PLCG2: variants seen among roughly 807,000 people sequenced by gnomAD.
PLCG2 encodes phospholipase C gamma 2.
In PLCG2, 69 loss-of-function variants were observed where a neutral mutation model predicts 175.6. That is an observed-to-expected ratio of 0.39 (90% CI 0.32 to 0.48). The LOEUF is 0.48. Among genes scored for constraint, PLCG2 ranks in the 20% least tolerant of loss-of-function variants. The pLI, the probability that PLCG2 is intolerant of heterozygous loss-of-function variation, is 0.91. For synonymous variants in PLCG2, 827 were observed against 624.0 expected (o/e 1.33, Z -4.85); for missense variants, 1,798 against 1,650.9 (o/e 1.09, Z -1.54).
intron 2 of PLCG2, among the ~76,000 whole-genome samples, chr16:81,796,229 C>G (rs989951851): frequency 3.9e-5 from 6 of 152,238 alleles, no homozygotes; most frequent in African/African-American, 1.4e-4. Flanking sequence ...TTGGGTTTCT[C>G]TCACAGATGT....
chr16:81,794,497 A>C (rs1294204459), intron 2 of PLCG2, among the ~76,000 whole-genome samples: 1 of 152,160 alleles, frequency 6.6e-6, no homozygotes, highest in Non-Finnish European at 1.5e-5. Flanking sequence ...TTTGCCTTTC[A>C]GTTACTGGTA....
At chr16:81,946,508 C>T (rs571007367) in intron 31 of PLCG2, among the ~76,000 whole-genome samples, 1 of 152,144 alleles carries the variant, frequency 6.6e-6, no homozygotes, top group Admixed American at 6.5e-5. Context: ...GAAAGGGTGC[C>T]GGTACTTGTA....
At chr16:81,918,933 T>C (rs1209478853) in intron 19 of PLCG2, among the ~76,000 whole-genome samples, 2 of 152,162 alleles carry the variant, frequency 1.3e-5, no homozygotes, top group Admixed American at 1.3e-4. Context: ...GTTTTGCTAG[T>C]TGAGTCACCG....
At chr16:81,775,742 T>G (rs1397291382), upstream of PLCG2, among the ~76,000 whole-genome samples, 2 of 152,204 alleles carry the variant, frequency 1.3e-5, no homozygotes, top group African/African-American at 4.8e-5. Flanking sequence ...GTAATTTTCT[T>G]TCAGGTTATT....
upstream of PLCG2, among the ~76,000 whole-genome samples, chr16:81,778,083 A>C (rs563501459): frequency 7.2e-4 from 108 of 150,714 alleles, 11 homozygotes; most frequent in Middle Eastern, 3.4e-3. Flanking sequence ...CACACACACA[A>C]AAAAAACGCT....
At chr16:81,867,557 C>G (rs1385652933) in intron 5 of PLCG2, among the ~76,000 whole-genome samples, 4 of 152,196 alleles carry the variant, frequency 2.6e-5, no homozygotes, top group Non-Finnish European at 5.9e-5. Context: ...AAACATCAAA[C>G]AGGTGAATGT....
chr16:81,920,612 C>G (rs752793267), intron 20 of PLCG2, among the ~76,000 whole-genome samples: 3 of 151,980 alleles, frequency 2.0e-5, no homozygotes, highest in Non-Finnish European at 4.4e-5. Context: ...GAAGGGGTGA[C>G]TCTAGGTACA....
At chr16:81,908,325 C>T in intron 16 of PLCG2, 91 bp from the exon 17 acceptor site, 1 of 1,222,910 alleles carries the variant, frequency 8.2e-7, no homozygotes, top group Non-Finnish European at 1.2e-6. Context: ...TTATCTGGTA[C>T]CCTGGGTCAG....
At chr16:81,877,202 C>G (rs1406189129) in intron 7 of PLCG2, among the ~76,000 whole-genome samples, 1 of 152,164 alleles carries the variant, frequency 6.6e-6, no homozygotes, top group Admixed American at 6.5e-5. Context: ...CGCCTGTAAT[C>G]CCAGCACTTT....
chr16:81,880,878 G>C (rs1365502255), intron 7 of PLCG2, 32 bp from the exon 8 acceptor site: 1 of 1,611,060 alleles, frequency 6.2e-7, no homozygotes, highest in Non-Finnish European at 8.5e-7. Context: ...CTTGTCTAAG[G>C]TTCTTTTTTT....
In PLCG2 at chr16:81,813,882, G is replaced by A. The variant is rs151332255; in HGVS notation, c.193+27700G>A. Among the ~76,000 whole-genome samples the A allele has an allele frequency of 3.2e-3, 488 of 152,326 alleles. 2 individuals are homozygous for A. Among genetic ancestry groups the A allele is most frequent in the African/African-American group, 0.011 (467 of 41,566 alleles). On this transcript the variant is annotated intron_variant, in intron 2 of 32. Transcript: ENST00000564138. The stretch of plus-strand genomic sequence containing the variant: ...AGCAGAAGCCTGAAGCTTTTGCTGT[G>A]TTAAAAGGAAGTCACAAGGCCAGCC...
At chr16:81,862,390 A>G (rs568860753) in intron 5 of PLCG2, among the ~76,000 whole-genome samples, 108 of 152,246 alleles carry the variant, frequency 7.1e-4, no homozygotes, top group African/African-American at 2.5e-3. Context: ...TTACATCCTT[A>G]GGATATGCTC....
chr16:81,897,293 A>G (rs1203624752), intron 13 of PLCG2, among the ~76,000 whole-genome samples: 2 of 152,192 alleles, frequency 1.3e-5, no homozygotes, highest in African/African-American at 4.8e-5. Context: ...AGCAGTTACG[A>G]GTATGGGTTC....
chr16:81,816,651 AT>A lies in PLCG2; in HGVS notation c.193+30499del, dbSNP rs71146047. Among the ~76,000 whole-genome samples, 59 of 108,872 alleles carry A rather than the reference AT, an allele frequency of 5.4e-4. 4 individuals are homozygous for A. The highest frequency in any genetic ancestry group is 2.1e-3 in the African/African-American group (55 of 26,496). The allele number at this position is 108,872 out of a possible 152,430, so 71.4% of individuals were successfully genotyped here. A position where few individuals can be genotyped will look rare whatever the true frequency, so the allele number is the denominator to read the frequency against. Reference sequence around the variant, plus strand: ...GCACCACCATGCCCAGCTAATTTTAATTTTTTTTTTTTTTTTTTTTTTTTTT... The same window carrying A: ...GCACCACCATGCCCAGCTAATTTTAATTTTTTTTTTTTTTTTTTTTTTTTT... On this transcript the variant is annotated intron_variant, in intron 2 of 32. Coordinates refer to ENST00000564138, the MANE Select transcript of PLCG2 (RefSeq NM_002661.5).
At chr16:81,784,858 T>C (rs549629884) in intron 1 of PLCG2, among the ~76,000 whole-genome samples, 33 of 152,222 alleles carry the variant, frequency 2.2e-4, no homozygotes, top group Non-Finnish European at 4.0e-4. Context: ...GGGAGCGCCT[T>C]CACTCTAAGT....
chr16:81,796,855 C>T (rs1228534793), intron 2 of PLCG2, among the ~76,000 whole-genome samples: 1 of 152,198 alleles, frequency 6.6e-6, no homozygotes, highest in Non-Finnish European at 1.5e-5. Context: ...AGACAAACTT[C>T]TGTTGTTTCG....
At chr16:81,793,987 C>A (rs56186502) in intron 2 of PLCG2, among the ~76,000 whole-genome samples, 61,819 of 152,050 alleles carry the variant, frequency 0.41, 12,769 homozygotes, top group South Asian at 0.5. Flanking sequence ...GTCATAAACA[C>A]CCTGCCTGAG....
At chr16:81,836,329 C>T (rs532803878) in intron 2 of PLCG2, among the ~76,000 whole-genome samples, 3 of 152,318 alleles carry the variant, frequency 2.0e-5, no homozygotes, top group Admixed American at 6.5e-5. Context: ...TATTGGCCCA[C>T]GTGTCAGCCA....
At chr16:81,778,069 A>AAC (rs1555505507), upstream of PLCG2, among the ~76,000 whole-genome samples, 1 of 53,528 alleles carries the variant, frequency 1.9e-5, no homozygotes, top group Non-Finnish European at 3.6e-5. Flanking sequence ...AAAAACCAAA[A>AAC]ACACACACAC....
Sources: allele counts gnomAD v4.1 joint callset (sites outside exome capture counted in the v4.1 genomes callset), GRCh38; gene constraint gnomAD v4.1.1; transcripts MANE v1.5; gene names NCBI Gene and HGNC (gene_info 2026-07-23, HGNC 2026-07-21).